GRIK2: variants seen among roughly 807,000 people sequenced by gnomAD.
The protein encoded by GRIK2 is glutamate receptor ionotropic, kainate 2.
In GRIK2, 32 loss-of-function variants were observed where a neutral mutation model predicts 100.3. That is an observed-to-expected ratio of 0.32 (90% CI 0.24 to 0.43). The LOEUF is 0.43. GRIK2 is among the 20% of genes least tolerant of loss of function. The pLI is 1.00. For synonymous variants in GRIK2, 417 were observed against 389.4 expected, an observed-to-expected ratio of 1.07 and a Z score of -0.83; for missense variants, 843 against 1,114.9, an observed-to-expected ratio of 0.76 and a Z score of 3.47.
chr6:101,617,688 T>A (rs546596922), intron 2 of GRIK2, among the ~76,000 whole-genome samples: 1 of 151,970 alleles, frequency 6.6e-6, no homozygotes, highest in African/African-American at 2.4e-5. Context: ...CATAATACCA[T>A]GAAATTGATC....
chr6:101,812,788 C>T (rs867746128), intron 9 of GRIK2, among the ~76,000 whole-genome samples: 2 of 151,862 alleles, frequency 1.3e-5, no homozygotes, highest in Middle Eastern at 3.2e-3. Context: ...AATTGTTTTA[C>T]CTATATTTTG....
At chr6:101,757,458 G>C (rs1228653152) in intron 7 of GRIK2, among the ~76,000 whole-genome samples, 1 of 152,142 alleles carries the variant, frequency 6.6e-6, no homozygotes, top group Non-Finnish European at 1.5e-5. Flanking sequence ...TGGATGTTTA[G>C]TCTAGTGAAG....
intron 2 of GRIK2, among the ~76,000 whole-genome samples, chr6:101,595,740 A>ATT (rs1778899652): frequency 1.4e-5 from 2 of 147,318 alleles, no homozygotes; most frequent in Non-Finnish European, 3.0e-5. Flanking sequence ...ATATATATAT[A>ATT]TTCATACACA....
intron 8 of GRIK2, among the ~76,000 whole-genome samples, chr6:101,800,696 T>A (rs781360832): frequency 5.3e-5 from 8 of 152,218 alleles, no homozygotes; most frequent in African/African-American, 1.7e-4. Context: ...GATGAATTAA[T>A]AGTTTCGAAG....
chr6:101,577,351 A>G (rs1265173165), intron 2 of GRIK2, among the ~76,000 whole-genome samples: 1 of 152,134 alleles, frequency 6.6e-6, no homozygotes, highest in Non-Finnish European at 1.5e-5. Flanking sequence ...TAATAACAGC[A>G]TTCATTGAAT....
chr6:101,470,320 C>T (rs1310558964), intron 2 of GRIK2, among the ~76,000 whole-genome samples: 1 of 152,124 alleles, frequency 6.6e-6, no homozygotes, highest in African/African-American at 2.4e-5. Context: ...CTTTCACTTT[C>T]CCTGAGAGAC....
At chr6:101,582,086 A>G (rs57911230) in intron 2 of GRIK2, among the ~76,000 whole-genome samples, 12,809 of 151,692 alleles carry the variant, frequency 0.084, 1,449 homozygotes, top group African/African-American at 0.26. Flanking sequence ...ATTTTTTATT[A>G]TACTTTCAGT....
At chr6:101,872,705 A>G (rs1424914974) in intron 11 of GRIK2, among the ~76,000 whole-genome samples, 2 of 151,916 alleles carry the variant, frequency 1.3e-5, no homozygotes, top group African/African-American at 2.4e-5. Context: ...CTCACATTGT[A>G]TCTCATCTTT....
chr6:101,919,035 C>A (rs1294570201), intron 12 of GRIK2, among the ~76,000 whole-genome samples: 2 of 151,592 alleles, frequency 1.3e-5, no homozygotes, highest in African/African-American at 4.8e-5. Context: ...ACAGCATAAA[C>A]AAAGGCATAA....
At chr6:101,895,573 T>C (rs1787383514) in intron 12 of GRIK2, among the ~76,000 whole-genome samples, 1 of 151,768 alleles carries the variant, frequency 6.6e-6, no homozygotes, top group Non-Finnish European at 1.5e-5. Flanking sequence ...CATTGAATTA[T>C]TATGCACTTA....
chr6:101,704,767 T>C (rs1190606083), intron 7 of GRIK2, among the ~76,000 whole-genome samples: 3 of 151,270 alleles, frequency 2.0e-5, no homozygotes, highest in African/African-American at 4.8e-5. Flanking sequence ...TATGAGCCTC[T>C]AATATTTTAT....
intron 11 of GRIK2, among the ~76,000 whole-genome samples, chr6:101,863,870 G>A (rs1388863300): frequency 2.0e-5 from 3 of 152,098 alleles, no homozygotes; most frequent in Admixed American, 1.3e-4. Context: ...GGGCGCGGTG[G>A]CTCACGCCTG....
At chr6:101,713,068 A>G (rs371345895) in intron 7 of GRIK2, among the ~76,000 whole-genome samples, 12 of 151,940 alleles carry the variant, frequency 7.9e-5, no homozygotes, top group African/African-American at 2.9e-4. Flanking sequence ...AGAATAAAGA[A>G]TAAGAGAATA....
intron 2 of GRIK2, chr6:101,620,323 AC>A: frequency 8.3e-6 from 2 of 242,234 alleles, no homozygotes; most frequent in Non-Finnish European, 1.3e-5. Context: ...AACATAAGTC[AC>A]CAAAGACTTC....
At chr6:101,498,337 T>C (rs1370834997) in intron 2 of GRIK2, among the ~76,000 whole-genome samples, 6 of 152,088 alleles carry the variant, frequency 3.9e-5, no homozygotes, top group African/African-American at 1.4e-4. Context: ...TACGTGTGCA[T>C]GTGTCTTTAT....
chr6:101,517,202 T>A (rs1182047300), intron 2 of GRIK2, among the ~76,000 whole-genome samples: 2 of 152,102 alleles, frequency 1.3e-5, no homozygotes, highest in African/African-American at 4.8e-5. Context: ...ACAGCCAGCA[T>A]GTTGTAGAGG....
intron 7 of GRIK2, among the ~76,000 whole-genome samples, chr6:101,793,644 C>T (rs952809457): frequency 1.3e-5 from 2 of 152,146 alleles, no homozygotes; most frequent in African/African-American, 4.8e-5. Context: ...AGTTAGGCTG[C>T]TCGGGGGTCA....
At chr6:101,773,627 A>G (rs2128398617) in intron 7 of GRIK2, among the ~76,000 whole-genome samples, 1 of 152,296 alleles carries the variant, frequency 6.6e-6, no homozygotes, top group African/African-American at 2.4e-5. Context: ...AATTGATATT[A>G]TCAGTTGTTA....
intron 12 of GRIK2, among the ~76,000 whole-genome samples, chr6:101,915,697 A>T (rs2051447): frequency 0.94 from 141,811 of 151,334 alleles, 66,485 homozygotes; most frequent in Middle Eastern, 0.97. Context: ...AATGGCAGTG[A>T]GTTTGATATG....
Sources: gnomAD v4.1 joint callset for allele counts (sites outside exome capture counted in the v4.1 genomes callset) on GRCh38, gnomAD v4.1.1 for gene constraint, MANE v1.5 for transcripts, NCBI Gene and HGNC (gene_info 2026-07-23, HGNC 2026-07-21) for gene names.